RALYL: variants seen among roughly 807,000 people sequenced by gnomAD.
RALYL encodes the protein RALY RNA binding protein like, also known as RNA-binding Raly-like protein.
In RALYL, 29 loss-of-function variants were observed where a neutral mutation model predicts 35.1. The observed-to-expected ratio is 0.83, with a 90% CI of 0.61 to 1.13. The LOEUF (loss-of-function observed/expected upper bound fraction) is 1.13, where lower values mean the gene tolerates loss of function less well. Ranked by LOEUF, RALYL falls within the 50% of genes most tolerant of loss-of-function variation. The pLI, the probability that RALYL is intolerant of heterozygous loss-of-function variation, is 0.00. For missense variants in RALYL, 359 were observed against 360.4 expected, an observed-to-expected ratio of 1.00 and a Z score of 0.03; for synonymous variants, 120 against 127.6, an observed-to-expected ratio of 0.94 and a Z score of 0.40.
At chr8:84,733,372 A>G (rs959621855) in intron 2 of RALYL, among the ~76,000 whole-genome samples, 3 of 152,298 alleles carry the variant, frequency 2.0e-5, no homozygotes, top group Middle Eastern at 3.4e-3. Flanking sequence ...AAAAAATAAA[A>G]CTAGATGAAC....
intron 4 of RALYL, among the ~76,000 whole-genome samples, chr8:84,808,497 G>A (rs1219809803): frequency 1.3e-5 from 2 of 151,892 alleles, no homozygotes; most frequent in Non-Finnish European, 2.9e-5. Flanking sequence ...GCTCTTTTTT[G>A]GTTCCATATG....
chr8:84,328,511 A>G (rs1275852366), intron 1 of RALYL, among the ~76,000 whole-genome samples: 3 of 152,228 alleles, frequency 2.0e-5, no homozygotes, highest in Admixed American at 6.5e-5. Context: ...AGATACAGAA[A>G]AAGGCTTGCC....
chr8:84,232,235 G>T (rs971704027), intron 1 of RALYL, among the ~76,000 whole-genome samples: 2 of 152,000 alleles, frequency 1.3e-5, no homozygotes, highest in Non-Finnish European at 2.9e-5. Flanking sequence ...ATAAGGAAAA[G>T]ACAAATTTGA....
chr8:84,766,463 G>T (rs1460225874), intron 2 of RALYL, among the ~76,000 whole-genome samples: 1 of 151,500 alleles, frequency 6.6e-6, no homozygotes, highest in Non-Finnish European at 1.5e-5. Flanking sequence ...GGAGGCCAAG[G>T]TGGGTGGATC....
chr8:84,767,667 T>G (rs1286971365), intron 2 of RALYL, among the ~76,000 whole-genome samples: 1 of 152,144 alleles, frequency 6.6e-6, no homozygotes, highest in East Asian at 1.9e-4. Context: ...TCTCTTCTGC[T>G]TTATCCCTAT....
intron 2 of RALYL, among the ~76,000 whole-genome samples, chr8:84,735,157 C>G (rs1306373696): frequency 1.3e-5 from 2 of 151,608 alleles, no homozygotes; most frequent in Non-Finnish European, 2.9e-5. Flanking sequence ...CAGTACCAAG[C>G]CGAATACCCC....
chr8:84,562,928 T>A (rs2061557106), intron 2 of RALYL, among the ~76,000 whole-genome samples: 1 of 151,944 alleles, frequency 6.6e-6, no homozygotes, highest in Non-Finnish European at 1.5e-5. Context: ...CCTGTGGCTT[T>A]ATGGCATGCA....
intron 1 of RALYL, among the ~76,000 whole-genome samples, chr8:84,294,766 TAA>T (rs375096277): frequency 6.9e-6 from 1 of 144,978 alleles, no homozygotes. Flanking sequence ...AACTTTGTAC[TAA>T]AAAAAAAAAG....
chr8:84,520,174 C>T (rs906420021), intron 1 of RALYL, among the ~76,000 whole-genome samples: 2 of 152,196 alleles, frequency 1.3e-5, no homozygotes, highest in Admixed American at 6.5e-5. Context: ...TAACTCAAAA[C>T]TATCTTCTTA....
intron 1 of RALYL, among the ~76,000 whole-genome samples, chr8:84,317,836 C>T (rs889016190): frequency 1.3e-5 from 2 of 152,124 alleles, no homozygotes; most frequent in Non-Finnish European, 2.9e-5. Flanking sequence ...AAATCACAGT[C>T]CTAGGTTTCA....
rs546692727 is a variant in RALYL, at chr8:84,733,642, G to GA, written c.257-40933dup. Among the ~76,000 whole-genome samples the GA allele has an allele frequency of 5.9e-5, 9 of 152,242 alleles. No individual in the cohort carries two copies. In the South Asian group the frequency reaches 1.9e-3, roughly 32 times the overall value. ...GCTGGTCTTGAAATCTAGTGAACCA[G>GA]AAAATTTGAATCCCTCCCTGTTCCT... On this transcript the variant is annotated intron_variant, in intron 2 of 8. Transcript: ENST00000521268.
At chr8:84,238,013 G>GA (rs1554584056) in intron 1 of RALYL, among the ~76,000 whole-genome samples, 1 of 113,662 alleles carries the variant, frequency 8.8e-6, no homozygotes, top group Middle Eastern at 4.3e-3. Flanking sequence ...CAAAACAAAA[G>GA]AAAAAAAACA....
At chr8:84,794,875 C>T (rs1204254012) in intron 3 of RALYL, among the ~76,000 whole-genome samples, 1 of 152,190 alleles carries the variant, frequency 6.6e-6, no homozygotes, top group Non-Finnish European at 1.5e-5. Context: ...TACAGTCCAT[C>T]CGAGGGAGAT....
chr8:84,499,213 A>G (rs981997973), intron 1 of RALYL, among the ~76,000 whole-genome samples: 2 of 152,016 alleles, frequency 1.3e-5, no homozygotes, highest in Non-Finnish European at 2.9e-5. Context: ...ATTGTACCCA[A>G]TAGGTAATTT....
intron 1 of RALYL, among the ~76,000 whole-genome samples, chr8:84,268,941 T>C (rs905403137): frequency 6.6e-6 from 1 of 152,164 alleles, no homozygotes; most frequent in Non-Finnish European, 1.5e-5. Context: ...ACAGTCAAAT[T>C]AAGGGTATTT....
At chr8:84,418,511 G>C (rs533608350) in intron 1 of RALYL, among the ~76,000 whole-genome samples, 1 of 152,010 alleles carries the variant, frequency 6.6e-6, no homozygotes, top group Non-Finnish European at 1.5e-5. Flanking sequence ...AAAATGAGTA[G>C]CCATGCTGTT....
intron 2 of RALYL, among the ~76,000 whole-genome samples, chr8:84,642,129 G>A (rs184067153): frequency 1.4e-4 from 22 of 151,746 alleles, no homozygotes; most frequent in African/African-American, 4.8e-4. Flanking sequence ...ACATCTAATC[G>A]CATGTATACA....
chr8:84,275,275 A>G (rs931456824), intron 1 of RALYL, among the ~76,000 whole-genome samples: 4 of 152,098 alleles, frequency 2.6e-5, no homozygotes, highest in Admixed American at 2.6e-4. Flanking sequence ...GTGCATGTAT[A>G]TTAAATGTAA....
chr8:84,587,289 A>G (rs544238104), intron 2 of RALYL, among the ~76,000 whole-genome samples: 4 of 152,202 alleles, frequency 2.6e-5, no homozygotes, highest in Non-Finnish European at 5.9e-5. Context: ...AGAATTATTC[A>G]GTTCTTGAGG....
Sources: gnomAD v4.1 joint callset for allele counts (sites outside exome capture counted in the v4.1 genomes callset) on GRCh38, gnomAD v4.1.1 for gene constraint, MANE v1.5 for transcripts, NCBI Gene and HGNC (gene_info 2026-07-23, HGNC 2026-07-21) for gene names.